Variants in PLCB1 observed in about 807,000 individuals in gnomAD.
PLCB1 encodes the protein 1-phosphatidylinositol 4,5-bisphosphate phosphodiesterase beta-1.
Under a neutral mutation model 161.8 loss-of-function variants are expected in PLCB1, and 46 were observed. The observed-to-expected ratio is 0.28, with a 90% confidence interval of 0.22 to 0.36. The LOEUF (loss-of-function observed/expected upper bound fraction) is 0.36, where lower values mean the gene tolerates loss of function less well. PLCB1 is among the 10% of genes least tolerant of loss of function. The pLI, the probability that PLCB1 is intolerant of heterozygous loss-of-function variation, is 1.00. For synonymous variants in PLCB1, 517 were observed against 503.7 expected (o/e 1.03, Z -0.35); for missense variants, 1,016 against 1,472.5 (o/e 0.69, Z 5.07).
rs369927489 is a variant in PLCB1 at position 8,132,791 on chromosome 20, C to T, written c.99+41C>T. The T allele has an allele frequency of 1.4e-6, 2 of 1,451,754 alleles. No homozygotes were observed. Among genetic ancestry groups the T allele is most frequent in the Admixed American group, 1.7e-5 (1 of 58,322 alleles). The allele number at this position is 1,451,754 out of a possible 1,614,324, so 89.9% of individuals were successfully genotyped here. A position where few individuals can be genotyped will look rare whatever the true frequency, so the allele number is the denominator to read the frequency against. On this transcript the variant is annotated intron_variant, in intron 1 of 31. Transcript: ENST00000338037. This position sits in a 1 kb window ranked among gnomAD's most constrained non-coding sequence, Gnocchi z 5.2. ...GCCCGAGTCGGGGCGCTGGCTCGGG[C>T]ACCGGGCAGGGCGGGCGTCGTGGGG...
chr20:8,629,829 C>CT (rs869098423), intron 4 of PLCB1, among the ~76,000 whole-genome samples: 51 of 65,744 alleles, frequency 7.8e-4, no homozygotes, highest in African/African-American at 2.8e-3. Flanking sequence ...TTCTTTCTTT[C>CT]TTTCTTTCTT....
intron 3 of PLCB1, among the ~76,000 whole-genome samples, chr20:8,377,831 A>C (rs967777294): frequency 6.6e-6 from 1 of 152,202 alleles, no homozygotes; most frequent in African/African-American, 2.4e-5. Flanking sequence ...GATGCCTGCT[A>C]GACTTTTACC....
intron 3 of PLCB1, among the ~76,000 whole-genome samples, chr20:8,423,617 T>TAAACTAAG (rs1173591963): frequency 6.6e-6 from 1 of 152,222 alleles, no homozygotes; most frequent in African/African-American, 2.4e-5. Context: ...AAACTTCTGC[T>TAAACTAAG]TTTAAGAATA....
At chr20:8,494,879 C>A (rs930635590) in intron 3 of PLCB1, among the ~76,000 whole-genome samples, 2 of 152,108 alleles carry the variant, frequency 1.3e-5, no homozygotes, top group African/African-American at 2.4e-5. Flanking sequence ...ATGATACTTA[C>A]CGTATTTCAC....
At chr20:8,735,890 T>C (rs1980555249) in intron 19 of PLCB1, among the ~76,000 whole-genome samples, 1 of 152,192 alleles carries the variant, frequency 6.6e-6, no homozygotes, top group South Asian at 2.1e-4. Flanking sequence ...GATGACTTTC[T>C]CTCTGAATTA....
intron 3 of PLCB1, among the ~76,000 whole-genome samples, chr20:8,393,216 C>T (rs897738794): frequency 6.6e-5 from 10 of 152,230 alleles, no homozygotes; most frequent in South Asian, 4.1e-4. Flanking sequence ...CAGGTAAGAA[C>T]AGAGGGCTTG....
At chr20:8,692,797 T>C (rs140261082) in intron 10 of PLCB1, among the ~76,000 whole-genome samples, 151 of 152,230 alleles carry the variant, frequency 9.9e-4, no homozygotes, top group African/African-American at 3.4e-3. Flanking sequence ...TTGTGACCCT[T>C]CTAAGAGTGA....
intron 3 of PLCB1, among the ~76,000 whole-genome samples, chr20:8,487,448 G>A (rs6055851): frequency 0.011 from 1,637 of 152,256 alleles, 27 homozygotes; most frequent in African/African-American, 0.036. Context: ...CTTATACTGG[G>A]ATTCATCCAG....
chr20:8,656,726 T>G (rs1367577745), intron 7 of PLCB1, among the ~76,000 whole-genome samples: 2 of 151,640 alleles, frequency 1.3e-5, no homozygotes, highest in Non-Finnish European at 2.9e-5. Context: ...ATTTATGTTT[T>G]CATTTTGACT....
intron 3 of PLCB1, among the ~76,000 whole-genome samples, chr20:8,548,640 C>T (rs892888035): frequency 1.3e-5 from 2 of 151,952 alleles, no homozygotes; most frequent in Non-Finnish European, 2.9e-5. Context: ...TTCAATAGAA[C>T]CAAATCTCTG....
intron 3 of PLCB1, among the ~76,000 whole-genome samples, chr20:8,482,403 G>A (rs1403732285): frequency 9.2e-5 from 14 of 152,012 alleles, no homozygotes; most frequent in Admixed American, 7.9e-4. Context: ...TGCCCAGCCA[G>A]AAATTATTTT....
chr20:8,509,460 G>T (rs976319326), intron 3 of PLCB1, among the ~76,000 whole-genome samples: 8 of 152,146 alleles, frequency 5.3e-5, no homozygotes, highest in Non-Finnish European at 1.2e-4. Flanking sequence ...TTGCCACTTT[G>T]TTTGTATTCT....
At chr20:8,464,046 G>A (rs1981706583) in intron 3 of PLCB1, among the ~76,000 whole-genome samples, 1 of 152,046 alleles carries the variant, frequency 6.6e-6, no homozygotes, top group Non-Finnish European at 1.5e-5. Context: ...GAAATCTTTT[G>A]TATTAAAAGT....
chr20:8,253,281 G>A (rs575459888), intron 2 of PLCB1, among the ~76,000 whole-genome samples: 1 of 152,046 alleles, frequency 6.6e-6, no homozygotes, highest in South Asian at 2.1e-4. Context: ...CCTTGTTGAT[G>A]TACAGTTACT....
chr20:8,444,891 AG>A (rs1980747958), intron 3 of PLCB1, among the ~76,000 whole-genome samples: 1 of 150,596 alleles, frequency 6.6e-6, no homozygotes, highest in African/African-American at 2.4e-5. Context: ...CTTTTTGATG[AG>A]GTTTTTTTTT....
chr20:8,833,473 G>A (rs868793848), intron 31 of PLCB1, among the ~76,000 whole-genome samples: 2 of 152,166 alleles, frequency 1.3e-5, no homozygotes, highest in South Asian at 2.1e-4. Context: ...ATGAGATTTG[G>A]GTAGAGACAC....
rs377451820 is a variant in PLCB1 at position 8,573,494 on chromosome 20, C to A, written c.247-54800C>A. ...TTCCATTCTCTGAACCTATTGTAAA[C>A]TATATATTCATGAGTGTTTAGTATA... is the stretch of plus-strand genomic sequence containing the variant. On this transcript the variant is annotated intron_variant, in intron 3 of 31. Coordinates refer to ENST00000338037, the MANE Select transcript of PLCB1 (RefSeq NM_015192.4). 6.6e-5 allele frequency among the ~76,000 whole-genome samples: 10 copies of A among 152,264 alleles called. No homozygotes were observed. The East Asian group carries it at 1.7e-3, about 26-fold the overall frequency.
chr20:8,462,779 A>G (rs757718971), intron 3 of PLCB1, among the ~76,000 whole-genome samples: 2 of 138,176 alleles, frequency 1.4e-5, no homozygotes, highest in Non-Finnish European at 3.3e-5. Context: ...CCTAAGCTCC[A>G]TGCCTTGCCC....
At chr20:8,633,175 G>A (rs1988654978) in intron 4 of PLCB1, among the ~76,000 whole-genome samples, 1 of 151,716 alleles carries the variant, frequency 6.6e-6, no homozygotes, top group South Asian at 2.1e-4. Flanking sequence ...GTGATGGCAT[G>A]TGTTTATGGA....
Sources: gnomAD v4.1 joint callset for allele counts (sites outside exome capture counted in the v4.1 genomes callset) on GRCh38, gnomAD v4.1.1 for gene constraint, Gnocchi (gnomAD v3.1) non-coding constraint, MANE v1.5 for transcripts, NCBI Gene and HGNC (gene_info 2026-07-23, HGNC 2026-07-21) for gene names.